CREB5: variants seen among roughly 807,000 people sequenced by gnomAD.
CREB5 encodes the protein cAMP responsive element binding protein 5.
Under a neutral mutation model 57.1 loss-of-function variants are expected in CREB5, and 19 were observed. The ratio of observed to expected loss-of-function variants is 0.33; its 90% confidence interval spans 0.23 to 0.49. CREB5 has a LOEUF of 0.49. Among genes scored for constraint, CREB5 ranks in the 20% least tolerant of loss-of-function variants. CREB5 has a pLI of 0.99. For synonymous variants in CREB5, 238 were observed against 238.3 expected (o/e 1.00, Z 0.01); for missense variants, 579 against 671.6 (o/e 0.86, Z 1.52).
chr7:28,404,477 T>G (rs898392444), intron 1 of CREB5, among the ~76,000 whole-genome samples: 3 of 152,108 alleles, frequency 2.0e-5, no homozygotes, highest in Non-Finnish European at 2.9e-5. Flanking sequence ...GCACCTTGGG[T>G]CCACTGGAAT....
chr7:28,364,055 T>G (rs1444532097), intron 1 of CREB5, among the ~76,000 whole-genome samples: 1 of 152,136 alleles, frequency 6.6e-6, no homozygotes, highest in Non-Finnish European at 1.5e-5. Flanking sequence ...AATGGATAAG[T>G]AAACATTTAC....
intron 7 of CREB5, among the ~76,000 whole-genome samples, chr7:28,769,069 T>C (rs1286361468): frequency 1.3e-5 from 2 of 152,208 alleles, no homozygotes; most frequent in Admixed American, 1.3e-4. Flanking sequence ...ACACATTTAT[T>C]TGGGGTCTGA....
chr7:28,792,588 G>A (rs763670726), intron 7 of CREB5, among the ~76,000 whole-genome samples: 1 of 152,080 alleles, frequency 6.6e-6, no homozygotes, highest in Non-Finnish European at 1.5e-5. Context: ...ACACACACAC[G>A]GCCAGATTCT....
intron 1 of CREB5, among the ~76,000 whole-genome samples, chr7:28,468,601 C>G (rs1442163757): frequency 6.6e-6 from 1 of 152,154 alleles, no homozygotes; most frequent in African/African-American, 2.4e-5. Context: ...TTTGTTAAAT[C>G]CTGACTCCTA....
At chr7:28,759,212 T>C (rs1805509242) in intron 7 of CREB5, among the ~76,000 whole-genome samples, 1 of 152,340 alleles carries the variant, frequency 6.6e-6, no homozygotes, top group African/African-American at 2.4e-5. Flanking sequence ...TGATAACATA[T>C]ATGCCACAGA....
intron 5 of CREB5, among the ~76,000 whole-genome samples, chr7:28,659,608 T>C (rs904592969): frequency 6.6e-6 from 1 of 152,174 alleles, no homozygotes; most frequent in African/African-American, 2.4e-5. Flanking sequence ...ATTTTACAAT[T>C]ATTTTTAGTT....
intron 7 of CREB5, among the ~76,000 whole-genome samples, chr7:28,744,238 T>C (rs1225335882): frequency 1.3e-5 from 2 of 151,518 alleles, no homozygotes; most frequent in Admixed American, 6.6e-5. Context: ...ATTTTCTTAA[T>C]CCAGTCTATC....
chr7:28,785,693 C>G (rs746389980), intron 7 of CREB5, among the ~76,000 whole-genome samples: 6 of 152,170 alleles, frequency 3.9e-5, no homozygotes, highest in Non-Finnish European at 7.3e-5. Flanking sequence ...TCAGTCCTGG[C>G]TGTGCTAGGC....
At chr7:28,339,339 T>C (rs960614615) in intron 1 of CREB5, among the ~76,000 whole-genome samples, 12 of 152,186 alleles carry the variant, frequency 7.9e-5, no homozygotes, top group Admixed American at 2.6e-4. Context: ...CATATTTGCA[T>C]TGGGGACACT....
intron 7 of CREB5, among the ~76,000 whole-genome samples, chr7:28,747,220 A>T (rs956988565): frequency 3.3e-5 from 5 of 152,204 alleles, no homozygotes; most frequent in Non-Finnish European, 7.3e-5. Flanking sequence ...GGGAGACAGA[A>T]ATGTGTGCAC....
chr7:28,801,301 T>TA (rs1400181969), intron 7 of CREB5, among the ~76,000 whole-genome samples: 1 of 152,202 alleles, frequency 6.6e-6, no homozygotes, highest in South Asian at 2.1e-4. Context: ...TTTTTTATTA[T>TA]AAAAAGTATA....
intron 5 of CREB5, among the ~76,000 whole-genome samples, chr7:28,613,497 G>A (rs927029679): frequency 3.3e-5 from 5 of 152,224 alleles, no homozygotes; most frequent in African/African-American, 9.6e-5. Flanking sequence ...CACCCAGAAT[G>A]AAAGAGTATT....
intron 5 of CREB5, among the ~76,000 whole-genome samples, chr7:28,698,725 T>A (rs147338629): frequency 6.6e-6 from 1 of 152,302 alleles, no homozygotes; most frequent in Non-Finnish European, 1.5e-5. Context: ...AGACATGGGA[T>A]GAGGCTTTCA....
At chr7:28,515,206 C>T (rs557564457) in intron 4 of CREB5, among the ~76,000 whole-genome samples, 3 of 152,262 alleles carry the variant, frequency 2.0e-5, no homozygotes, top group African/African-American at 7.2e-5. Flanking sequence ...TAATAGTTTT[C>T]TCCATTGGAA....
At chr7:28,730,350 G>A (rs4722836) in intron 7 of CREB5, among the ~76,000 whole-genome samples, 19,216 of 137,328 alleles carry the variant, frequency 0.14, 1,946 homozygotes, top group African/African-American at 0.29. Flanking sequence ...ACCACACCCA[G>A]ATAATTTTTT....
At chr7:28,397,140 GA>G (rs558541438) in intron 1 of CREB5, among the ~76,000 whole-genome samples, 39 of 152,086 alleles carry the variant, frequency 2.6e-4, no homozygotes, top group African/African-American at 8.2e-4. Context: ...AAATACAGAG[GA>G]AAAAAACTCC....
intron 5 of CREB5, among the ~76,000 whole-genome samples, chr7:28,622,500 A>C (rs1465649131): frequency 6.6e-6 from 1 of 152,216 alleles, no homozygotes; most frequent in Admixed American, 6.5e-5. Context: ...CCATTCTATA[A>C]CTGCCAGGGC....
Position 28,476,049 on chromosome 7 carries a change from G to A in CREB5, c.4-12126G>A, listed in dbSNP as rs576890573. ...TGTCATTGTTGTAAAAGAGCCCAAC[G>A]CAGTGGAATGAAAAACAAACGAACA... On this transcript the variant is annotated intron_variant, in intron 1 of 10. Transcript: ENST00000357727. Among the ~76,000 whole-genome samples the A allele has an allele frequency of 3.3e-5, 5 of 152,286 alleles. No individual in the cohort carries two copies. In the South Asian group the frequency reaches 6.2e-4, roughly 19 times the overall value.
intron 1 of CREB5, among the ~76,000 whole-genome samples, chr7:28,433,780 T>C (rs1392080517): frequency 6.6e-6 from 1 of 152,002 alleles, no homozygotes; most frequent in African/African-American, 2.4e-5. Context: ...GATTTATGAG[T>C]CTGTGAATAT....
Sources: allele counts gnomAD v4.1 joint callset (sites outside exome capture counted in the v4.1 genomes callset), GRCh38; gene constraint gnomAD v4.1.1; transcripts MANE v1.5; gene names NCBI Gene and HGNC (gene_info 2026-07-23, HGNC 2026-07-21).